The following PPP4R1 variants were observed in gnomAD, a reference collection of about 807,000 sequenced individuals.
PPP4R1 encodes the protein serine/threonine-protein phosphatase 4 regulatory subunit 1.
Under a neutral mutation model 111.2 loss-of-function variants are expected in PPP4R1, and 42 were observed. The observed-to-expected ratio is 0.38, with a 90% CI of 0.29 to 0.49. The LOEUF is 0.49. Ranked by LOEUF, PPP4R1 falls within the 20% of genes least tolerant of loss-of-function variation. The pLI, the probability that PPP4R1 is intolerant of heterozygous loss-of-function variation, is 0.97. For missense variants in PPP4R1, 1,012 were observed against 1,161.6 expected (o/e 0.87, Z 1.87); for synonymous variants, 409 against 405.5 (o/e 1.01, Z -0.10).
intron 11 of PPP4R1, chr18:9,563,789 C>T (rs2066717313): frequency 3.1e-6 from 1 of 324,448 alleles, no homozygotes; most frequent in Non-Finnish European, 5.6e-6. Context: ...CATTATTCTG[C>T]GTTAGTATGA....
chr18:9,602,499 T>C (rs1391517515), intron 2 of PPP4R1, among the ~76,000 whole-genome samples: 1 of 150,822 alleles, frequency 6.6e-6, no homozygotes, highest in African/African-American at 2.4e-5. Context: ...TGAGCCGAGA[T>C]TGCGCCACTG....
In PPP4R1 at chr18:9,583,280, G is replaced by A; in HGVS notation, c.760-5C>T. 6.5e-7 allele frequency: 1 copy of A among 1,548,200 alleles called. No homozygotes were observed. The highest frequency in any genetic ancestry group is 1.8e-5 in the Admixed American group (1 of 54,810). On this transcript the variant is annotated splice_region_variant and splice_polypyrimidine_tract_variant and intron_variant, in intron 8 of 19. Coordinates refer to ENST00000400556, the MANE Select transcript of PPP4R1 (RefSeq NM_001042388.3). ...AAGCTGGAAAAATCTGGGCAGCTAT[G>A]TGAAAAGGAAAGAGTCTTGTTAGTT...
chr18:9,553,932 T>C (rs2066528110), intron 15 of PPP4R1, among the ~76,000 whole-genome samples: 1 of 152,200 alleles, frequency 6.6e-6, no homozygotes, highest in South Asian at 2.1e-4. Flanking sequence ...GTGCATCAGA[T>C]GGAAAACAAT....
chr18:9,576,495 A>G (rs567683187), intron 10 of PPP4R1, among the ~76,000 whole-genome samples: 1 of 152,242 alleles, frequency 6.6e-6, no homozygotes, highest in Non-Finnish European at 1.5e-5. Flanking sequence ...GCTTTATTTA[A>G]AACTTTGGTT....
intron 6 of PPP4R1, among the ~76,000 whole-genome samples, chr18:9,585,842 A>G (rs2067106742): frequency 6.6e-6 from 1 of 152,176 alleles, no homozygotes; most frequent in Non-Finnish European, 1.5e-5. Context: ...TTTCTGCTGA[A>G]AACTACAAAA....
rs373468230 is a variant in PPP4R1 at position 9,569,545 on chromosome 18, T to C, written c.1573+612A>G. On this transcript the variant is annotated intron_variant, in intron 11 of 19. Transcript: ENST00000400556. ...TTAAAACTGTAAAGCACTGTTTGAA[T>C]GACTGAAACTTTCAAAGAGAGTGAT... Among the ~76,000 whole-genome samples the C allele has an allele frequency of 9.2e-5, 14 of 152,328 alleles. No homozygotes were observed. In the South Asian group the frequency reaches 2.7e-3, roughly 29 times the overall value.
chr18:9,569,637 A>C (rs2066827453), intron 11 of PPP4R1, among the ~76,000 whole-genome samples: 1 of 152,240 alleles, frequency 6.6e-6, no homozygotes, highest in Non-Finnish European at 1.5e-5. Context: ...TTAAATAAAA[A>C]ATTTCCTGAA....
chr18:9,586,479 A>G (rs1046701210), intron 6 of PPP4R1, among the ~76,000 whole-genome samples: 6 of 152,192 alleles, frequency 3.9e-5, no homozygotes, highest in African/African-American at 1.2e-4. Context: ...CTTTGTGAAC[A>G]TATTAAATGC....
At chr18:9,573,587 A>C (rs542043588) in intron 10 of PPP4R1, among the ~76,000 whole-genome samples, 3 of 152,244 alleles carry the variant, frequency 2.0e-5, no homozygotes, top group African/African-American at 7.2e-5. Flanking sequence ...AAATACAATG[A>C]ACTTCTGTTT....
At chr18:9,576,366 T>G (rs551707055) in intron 10 of PPP4R1, among the ~76,000 whole-genome samples, 1 of 152,294 alleles carries the variant, frequency 6.6e-6, no homozygotes, top group South Asian at 2.1e-4. Flanking sequence ...ACTAGTAAGT[T>G]AGGCTTGAAT....
intron 2 of PPP4R1, among the ~76,000 whole-genome samples, chr18:9,606,191 T>C (rs1210766089): frequency 6.6e-6 from 1 of 152,218 alleles, no homozygotes; most frequent in African/African-American, 2.4e-5. Context: ...TGAGATGTAT[T>C]GCTGAACACT....
intron 9 of PPP4R1, among the ~76,000 whole-genome samples, chr18:9,579,479 T>C (rs992154546): frequency 6.6e-6 from 1 of 152,038 alleles, no homozygotes; most frequent in Non-Finnish European, 1.5e-5. Context: ...AAGACTATCT[T>C]GTCTTTTTTT....
intron 19 of PPP4R1, among the ~76,000 whole-genome samples, chr18:9,548,781 G>C (rs2066440769): frequency 6.6e-6 from 1 of 152,180 alleles, no homozygotes; most frequent in African/African-American, 2.4e-5. Flanking sequence ...AGCTGGGCGT[G>C]GTGGCGGGCA....
chr18:9,603,762 G>C (rs997599116), intron 2 of PPP4R1, among the ~76,000 whole-genome samples: 2 of 152,132 alleles, frequency 1.3e-5, no homozygotes, highest in African/African-American at 4.8e-5. Flanking sequence ...TGGGATTACA[G>C]GTGTGAGCCA....
At chr18:9,581,853 A>C (rs2067034620) in intron 9 of PPP4R1, among the ~76,000 whole-genome samples, 1 of 152,142 alleles carries the variant, frequency 6.6e-6, no homozygotes, top group Non-Finnish European at 1.5e-5. Flanking sequence ...CATCACTTAC[A>C]AGGGAACCCC....
chr18:9,592,810 T>C (rs1280601262), intron 4 of PPP4R1, among the ~76,000 whole-genome samples: 2 of 152,182 alleles, frequency 1.3e-5, no homozygotes, highest in South Asian at 2.1e-4. Context: ...TAAATTGTTA[T>C]TTAACTTAAA....
At chr18:9,594,951 T>C (rs1362363546) in intron 3 of PPP4R1, 67 bp downstream of exon 3, 6 of 1,547,316 alleles carry the variant, frequency 3.9e-6, no homozygotes, top group Non-Finnish European at 5.3e-6. Flanking sequence ...GATACTTTCA[T>C]TTTCCCTACT....
At chr18:9,605,432 G>GA (rs1314061356) in intron 2 of PPP4R1, among the ~76,000 whole-genome samples, 1 of 151,778 alleles carries the variant, frequency 6.6e-6, no homozygotes, top group Non-Finnish European at 1.5e-5. Context: ...ATTACAATAG[G>GA]AAAAACAGAA....
chr18:9,582,167 A>T (rs1448779635), intron 9 of PPP4R1, among the ~76,000 whole-genome samples: 1 of 151,964 alleles, frequency 6.6e-6, no homozygotes, highest in Non-Finnish European at 1.5e-5. Context: ...ATAAACTAAA[A>T]GCAAGCAGAA....
Sources: allele counts gnomAD v4.1 joint callset (sites outside exome capture counted in the v4.1 genomes callset), GRCh38; gene constraint gnomAD v4.1.1; transcripts MANE v1.5; gene names NCBI Gene and HGNC (gene_info 2026-07-23, HGNC 2026-07-21).